Variants in EPHA3 observed in about 807,000 individuals in gnomAD.
The protein encoded by EPHA3 is ephrin type-A receptor 3.
A neutral mutation model predicts 107.1 loss-of-function variants in EPHA3; 42 were observed. The ratio of observed to expected loss-of-function variants is 0.39; its 90% CI spans 0.31 to 0.51. EPHA3 has a LOEUF of 0.51. EPHA3 is among the 20% of genes least tolerant of loss of function. EPHA3 has a pLI of 0.78. For synonymous variants in EPHA3, 461 were observed against 424.8 expected (o/e 1.09, Z -1.05); for missense variants, 1,183 against 1,211.2 (o/e 0.98, Z 0.35).
chr3:89,314,645 A>G (rs962581926), intron 3 of EPHA3, among the ~76,000 whole-genome samples: 2 of 152,000 alleles, frequency 1.3e-5, no homozygotes, highest in Admixed American at 6.6e-5. Context: ...GCATTCAGCT[A>G]TCTGGCACCT....
chr3:89,428,448 CA>C (rs1444684037), intron 11 of EPHA3, among the ~76,000 whole-genome samples: 1 of 152,062 alleles, frequency 6.6e-6, no homozygotes, highest in Non-Finnish European at 1.5e-5. Flanking sequence ...TACATATTTG[CA>C]AACTGGTTAT....
chr3:89,322,109 C>G (rs1335359234), intron 3 of EPHA3, among the ~76,000 whole-genome samples: 1 of 151,788 alleles, frequency 6.6e-6, no homozygotes, highest in Non-Finnish European at 1.5e-5. Context: ...CACACAAACA[C>G]ACACACACAC....
intron 3 of EPHA3, among the ~76,000 whole-genome samples, chr3:89,314,883 G>A (rs9990016): frequency 0.46 from 69,421 of 151,658 alleles, 16,209 homozygotes; most frequent in African/African-American, 0.51. Flanking sequence ...TGATTTTGTC[G>A]TTGTGCAAAT....
intron 3 of EPHA3, among the ~76,000 whole-genome samples, chr3:89,339,385 AAAAAAG>A (rs1182449254): frequency 1.3e-5 from 2 of 151,566 alleles, no homozygotes; most frequent in Non-Finnish European, 1.5e-5. Context: ...AAAAAAAAAA[AAAAAAG>A]AAAGAAAGAA....
At chr3:89,340,862 A>G (rs1576321387) in intron 3 of EPHA3, 54 bp from the exon 4 acceptor site, 7 of 1,496,496 alleles carry the variant, frequency 4.7e-6, no homozygotes, top group Non-Finnish European at 6.2e-6. Flanking sequence ...TCTGTTTTAC[A>G]TATTTTCAAA....
intron 2 of EPHA3, among the ~76,000 whole-genome samples, chr3:89,134,159 T>C (rs1245569260): frequency 6.6e-6 from 1 of 151,954 alleles, no homozygotes; most frequent in African/African-American, 2.4e-5. Flanking sequence ...TCTTGTGCAG[T>C]TGTAAGAGAA....
At chr3:89,418,726 A>T (rs1386469995) in intron 10 of EPHA3, among the ~76,000 whole-genome samples, 2 of 151,460 alleles carry the variant, frequency 1.3e-5, no homozygotes, top group African/African-American at 4.8e-5. Flanking sequence ...ATAAATTGAT[A>T]GCAGATGCTT....
chr3:89,192,509 A>ATGT (rs1220417009), intron 2 of EPHA3, among the ~76,000 whole-genome samples: 2 of 152,078 alleles, frequency 1.3e-5, no homozygotes, highest in Non-Finnish European at 2.9e-5. Flanking sequence ...ATATTCATAT[A>ATGT]TGTATACACA....
chr3:89,328,220 T>G (rs1403534682), intron 3 of EPHA3, among the ~76,000 whole-genome samples: 1 of 152,178 alleles, frequency 6.6e-6, no homozygotes, highest in South Asian at 2.1e-4. Flanking sequence ...ATGCTTTATT[T>G]TTTCCCTCTA....
At chr3:89,335,371 G>A (rs1707371998) in intron 3 of EPHA3, among the ~76,000 whole-genome samples, 1 of 152,114 alleles carries the variant, frequency 6.6e-6, no homozygotes, top group Non-Finnish European at 1.5e-5. Flanking sequence ...CTGCCTTCAT[G>A]ATCTAAACCT....
Position 89,250,123 on chromosome 3 carries a change from C to T in EPHA3, c.814+39603C>T, listed in dbSNP as rs543948497. Among the ~76,000 whole-genome samples, 6 of 152,312 alleles carry T rather than the reference C, an allele frequency of 3.9e-5. No homozygotes were observed. In the South Asian group the frequency reaches 1.2e-3, roughly 32 times the overall value. On this transcript the variant is annotated intron_variant, in intron 3 of 16. Coordinates refer to ENST00000336596, the MANE Select transcript of EPHA3 (RefSeq NM_005233.6). Reference sequence around the variant, plus strand: ...ATTGAAGTTCCACATTTCTAGTATACATTCCTGAATAAGGACGGTCACTTT... The same window carrying T: ...ATTGAAGTTCCACATTTCTAGTATATATTCCTGAATAAGGACGGTCACTTT...
At chr3:89,345,268 G>C (rs1707617526) in intron 5 of EPHA3, among the ~76,000 whole-genome samples, 1 of 151,136 alleles carries the variant, frequency 6.6e-6, no homozygotes, top group Non-Finnish European at 1.5e-5. Context: ...TTACTACTTG[G>C]ATGAACTGAT....
intron 3 of EPHA3, among the ~76,000 whole-genome samples, chr3:89,292,404 T>G (rs1438277582): frequency 6.6e-6 from 1 of 152,136 alleles, no homozygotes; most frequent in African/African-American, 2.4e-5. Flanking sequence ...CTATGGCATT[T>G]TATATAAGGG....
intron 5 of EPHA3, among the ~76,000 whole-genome samples, chr3:89,356,882 A>G (rs1186546218): frequency 6.7e-6 from 1 of 150,346 alleles, no homozygotes; most frequent in Non-Finnish European, 1.5e-5. Flanking sequence ...AGGCGGGCAG[A>G]TCAGGAAGTC....
At chr3:89,364,715 A>G (rs1708156158) in intron 5 of EPHA3, among the ~76,000 whole-genome samples, 1 of 151,080 alleles carries the variant, frequency 6.6e-6, no homozygotes, top group Non-Finnish European at 1.5e-5. Context: ...TCTTCTCAAT[A>G]TCCTCTAAAT....
At chr3:89,250,070 G>A (rs1473102535) in intron 3 of EPHA3, among the ~76,000 whole-genome samples, 3 of 152,106 alleles carry the variant, frequency 2.0e-5, no homozygotes, top group Non-Finnish European at 2.9e-5. Flanking sequence ...TTTTCACCTG[G>A]ACAATTTCCA....
intron 2 of EPHA3, among the ~76,000 whole-genome samples, chr3:89,135,738 T>TG (rs1704296549): frequency 6.9e-6 from 1 of 145,838 alleles, no homozygotes; most frequent in African/African-American, 2.5e-5. Flanking sequence ...AAAATACAAC[T>TG]GGCTTGTGAA....
intron 5 of EPHA3, among the ~76,000 whole-genome samples, chr3:89,379,152 T>C (rs1238533439): frequency 6.6e-6 from 1 of 152,202 alleles, no homozygotes; most frequent in Non-Finnish European, 1.5e-5. Flanking sequence ...AAATTTCTGT[T>C]TGTGAGGTAT....
At chr3:89,266,888 A>G (rs1034858423) in intron 3 of EPHA3, among the ~76,000 whole-genome samples, 1 of 152,148 alleles carries the variant, frequency 6.6e-6, no homozygotes, top group African/African-American at 2.4e-5. Flanking sequence ...GTGTTCAAAT[A>G]CAATTTTCTT....
Sources: allele counts gnomAD v4.1 joint callset (sites outside exome capture counted in the v4.1 genomes callset), GRCh38; gene constraint gnomAD v4.1.1; transcripts MANE v1.5; gene names NCBI Gene and HGNC (gene_info 2026-07-23, HGNC 2026-07-21).